RAPGEF6: variants seen among roughly 807,000 people sequenced by gnomAD.
The protein encoded by RAPGEF6 is PDZ domain containing guanine nucleotide exchange factor (GEF) 2.
A neutral mutation model predicts 171.4 loss-of-function variants in RAPGEF6; 56 were observed. The ratio of observed to expected loss-of-function variants is 0.33; its 90% CI spans 0.26 to 0.41. The LOEUF is 0.41. Ranked by LOEUF, RAPGEF6 falls within the 10% of genes least tolerant of loss-of-function variation. The pLI is 1.00. For synonymous variants in RAPGEF6, 692 were observed against 650.1 expected (o/e 1.06, Z -0.98); for missense variants, 1,674 against 1,921.4 (o/e 0.87, Z 2.41).
intron 4 of RAPGEF6, among the ~76,000 whole-genome samples, chr5:131,585,667 A>T (rs1396819941): frequency 6.6e-6 from 1 of 152,152 alleles, no homozygotes; most frequent in Non-Finnish European, 1.5e-5. Context: ...CTCTACTAAA[A>T]ATATAAAAAT....
intron 5 of RAPGEF6, among the ~76,000 whole-genome samples, chr5:131,558,589 T>C (rs531209993): frequency 8.3e-4 from 126 of 152,204 alleles, no homozygotes; most frequent in Non-Finnish European, 1.6e-3. Flanking sequence ...TTTGCTCTTA[T>C]AGCACTAGGG....
intron 4 of RAPGEF6, among the ~76,000 whole-genome samples, chr5:131,576,190 G>T (rs529793714): frequency 2.6e-4 from 40 of 152,060 alleles, no homozygotes; most frequent in African/African-American, 8.9e-4. Flanking sequence ...CCTCTTTCCT[G>T]TTCCTAATCC....
Position 131,526,214 on chromosome 5 carries a change from A to G in RAPGEF6, c.496-4693T>C, listed in dbSNP as rs561634588. 3.3e-5 allele frequency among the ~76,000 whole-genome samples: 5 copies of G among 152,346 alleles called. No individual in the cohort carries two copies. The South Asian group carries it at 8.3e-4, about 25-fold the overall frequency. On this transcript the variant is annotated intron_variant, in intron 6 of 27. Coordinates refer to ENST00000509018, the MANE Select transcript of RAPGEF6 (RefSeq NM_016340.6). ...TTCATGAAGAAAACTTCATACAGGA[A>G]TTCCCTCAACCTCCTTACACAATGG...
intron 4 of RAPGEF6, among the ~76,000 whole-genome samples, chr5:131,580,067 C>T (rs1425940344): frequency 6.6e-6 from 1 of 152,222 alleles, no homozygotes; most frequent in Non-Finnish European, 1.5e-5. Context: ...TCGATGGGAC[C>T]AGGCGCCGCA....
chr5:131,603,612 C>CA (rs545512586), intron 2 of RAPGEF6, among the ~76,000 whole-genome samples: 237 of 152,044 alleles, frequency 1.6e-3, no homozygotes, highest in African/African-American at 5.6e-3. Flanking sequence ...GTTTTCATTA[C>CA]AAAAAATATA....
At chr5:131,445,493 C>CTCTCTGTGTGTGTGTGTGTGTGTGTGTG (rs1554070849) in intron 22 of RAPGEF6, among the ~76,000 whole-genome samples, 4 of 147,334 alleles carry the variant, frequency 2.7e-5, no homozygotes, top group African/African-American at 1.0e-4. Flanking sequence ...AACTCACTCT[C>CTCTCTGTGTGTGTGTGTGTGTGTGTGTG]TGTGTGTGTG....
intron 6 of RAPGEF6, among the ~76,000 whole-genome samples, chr5:131,524,622 GAGAGAGAGA>G (rs1758754790): frequency 6.7e-6 from 1 of 148,838 alleles, no homozygotes; most frequent in African/African-American, 2.5e-5. Context: ...GAGAGAGAGA[GAGAGAGAGA>G]GAGAGAGAGA....
chr5:131,601,044 G>A (rs1764213829), intron 3 of RAPGEF6, among the ~76,000 whole-genome samples: 1 of 145,644 alleles, frequency 6.9e-6, no homozygotes, highest in Non-Finnish European at 1.5e-5. Context: ...GAGCCTAGGA[G>A]TTCAAGACTG....
At chr5:131,463,534 G>A (rs1273204169) in intron 18 of RAPGEF6, 9 of 276,622 alleles carry the variant, frequency 3.3e-5, no homozygotes, top group African/African-American at 1.9e-4. Context: ...AGCTGAGATC[G>A]CGCCACTGCA....
At chr5:131,456,855 T>C (rs1189556135) in intron 19 of RAPGEF6, among the ~76,000 whole-genome samples, 1 of 152,066 alleles carries the variant, frequency 6.6e-6, no homozygotes, top group Non-Finnish European at 1.5e-5. Flanking sequence ...GAAGGATGAG[T>C]AACCAATACA....
intron 5 of RAPGEF6, among the ~76,000 whole-genome samples, chr5:131,551,772 T>C (rs1581012261): frequency 6.6e-6 from 1 of 152,082 alleles, no homozygotes. Context: ...GCTTTCTAAG[T>C]TTCAAAATCT....
rs1460554901 is a variant in RAPGEF6 at position 131,439,655 on chromosome 5, G to A, written c.3671C>T (p.Thr1224Ile). 6.2e-7 allele frequency: 1 copy of A among 1,612,566 alleles called. No homozygotes were observed. Among genetic ancestry groups the A allele is most frequent in the Admixed American group, 1.7e-5 (1 of 59,922 alleles). The stretch of plus-strand genomic sequence containing the variant: ...TGACGCCACAGAAATAGTGTCTTCT[G>A]TATGCTTCTTACCACTTATTTCTTC... Reference protein sequence around the residue: ...TTEEISGKKHTEDTISVASSL... With the variant: ...TTEEISGKKHIEDTISVASSL... Residue 1224 changes from threonine to isoleucine, a missense_variant, in exon 24 of 28, where the codon ACA becomes ATA. Around this residue, in one of 3 missense-constraint regions of RAPGEF6, gnomAD observed 552 missense variants for 574.2 expected, o/e 0.96. Transcript: ENST00000509018.
chr5:131,442,667 A>C lies in RAPGEF6; in HGVS notation c.3422-130T>G, dbSNP rs1580829567. The C allele has an allele frequency of 2.9e-6, 4 of 1,382,672 alleles. No homozygotes were observed. In the East Asian group the frequency reaches 1.0e-4, roughly 35 times the overall value. 85.7% of individuals were successfully genotyped at this position (1,382,672 alleles called of 1,614,324 possible). A position where few individuals can be genotyped will look rare whatever the true frequency, so the allele number is the denominator to read the frequency against. ...AAGATAAAATAGATTAATTTTTCTT[A>C]GCAGGAATTTCAGTTAAGTACTATA... On this transcript the variant is annotated intron_variant, in intron 22 of 27. Transcript: ENST00000509018.
chr5:131,592,425 C>A lies in RAPGEF6; in HGVS notation c.239G>T (p.Gly80Val). The A allele has an allele frequency of 6.2e-7, 1 of 1,613,826 alleles. No homozygotes were observed. Among genetic ancestry groups the A allele is most frequent in the Non-Finnish European group, 8.5e-7 (1 of 1,179,844 alleles). The change falls in exon 4 of 28, where the codon GGA (glycine) becomes GTA (valine). Residue 80 changes from glycine (G) to valine (V), a missense_variant. Physicochemically the swap from Gly to Val is moderately radical, Grantham distance 109 (BLOSUM62 -3). Coordinates refer to ENST00000509018, the MANE Select transcript of RAPGEF6 (RefSeq NM_016340.6). ...CATGGAGCCTTTCACAAGCACAGAT[C>A]CAGAAAGTAGGATATACCAACATCT... ...IARCWYILLS[G>V]SVLVKGSMVL...
chr5:131,461,558 T>C (rs190958137), intron 19 of RAPGEF6, 147 bp downstream of exon 19: 7 of 789,650 alleles, frequency 8.9e-6, no homozygotes, highest in Middle Eastern at 8.4e-4. Flanking sequence ...ACCACCAAAA[T>C]GGAAAATACA....
intron 24 of RAPGEF6, among the ~76,000 whole-genome samples, chr5:131,437,530 G>A (rs1044210663): frequency 1.3e-5 from 2 of 152,156 alleles, no homozygotes; most frequent in Non-Finnish European, 2.9e-5. Context: ...GAGGCACTGC[G>A]GCTTATCCTA....
At chr5:131,620,491 A>G (rs1184729163) in intron 1 of RAPGEF6, among the ~76,000 whole-genome samples, 5 of 152,244 alleles carry the variant, frequency 3.3e-5, no homozygotes, top group Non-Finnish European at 7.3e-5. Context: ...TCTACTTTCG[A>G]AATATCTCCG....
At chr5:131,581,334 G>T (rs1038648011) in intron 4 of RAPGEF6, among the ~76,000 whole-genome samples, 41 of 152,224 alleles carry the variant, frequency 2.7e-4, no homozygotes, top group African/African-American at 9.9e-4. Flanking sequence ...GACCCACCTG[G>T]CTACTCTCTA....
chr5:131,500,526 C>A (rs1756951658), intron 11 of RAPGEF6, among the ~76,000 whole-genome samples: 3 of 152,084 alleles, frequency 2.0e-5, no homozygotes, highest in African/African-American at 7.2e-5. Flanking sequence ...AAAGATGAGC[C>A]CTTACCTCTT....
Sources: allele counts gnomAD v4.1 joint callset (sites outside exome capture counted in the v4.1 genomes callset), GRCh38; gene constraint gnomAD v4.1.1; regional missense constraint gnomAD v4.1.1; transcripts MANE v1.5; gene names NCBI Gene and HGNC (gene_info 2026-07-23, HGNC 2026-07-21).